LPIN2: variants seen among roughly 807,000 people sequenced by gnomAD.
LPIN2 encodes the protein phosphatidate phosphatase LPIN2.
In LPIN2, 55 loss-of-function variants were observed where a neutral mutation model predicts 111.4. That is an observed-to-expected ratio of 0.49 (90% CI 0.40 to 0.62). The LOEUF is 0.62. LPIN2 is among the 20% of genes least tolerant of loss of function. The pLI is 0.00. For synonymous variants in LPIN2, 425 were observed against 414.0 expected, an observed-to-expected ratio of 1.03 and a Z score of -0.32; for missense variants, 992 against 1,112.1, an observed-to-expected ratio of 0.89 and a Z score of 1.54.
At chr18:3,004,856 C>T (rs1360533841) in intron 1 of LPIN2, among the ~76,000 whole-genome samples, 1 of 152,162 alleles carries the variant, frequency 6.6e-6, no homozygotes, top group East Asian at 1.9e-4. Flanking sequence ...GGCCAAAGAA[C>T]ATCAGGTTTA....
At chr18:2,965,743 A>AC (rs2077791107) in intron 1 of LPIN2, among the ~76,000 whole-genome samples, 1 of 151,620 alleles carries the variant, frequency 6.6e-6, no homozygotes, top group Non-Finnish European at 1.5e-5. Flanking sequence ...AAAAAAAAAA[A>AC]AAAAAAGCAT....
chr18:2,984,175 T>C (rs1050135958), intron 1 of LPIN2, among the ~76,000 whole-genome samples: 2 of 152,156 alleles, frequency 1.3e-5, no homozygotes, highest in Non-Finnish European at 1.5e-5. Context: ...AATAAAAACA[T>C]TAAGTGGCAG....
Position 2,917,887 on chromosome 18 carries a change from C to T in LPIN2, c.*2406G>A, listed in dbSNP as rs942083044. 4 of 152,164 alleles carry T rather than the reference C, an allele frequency of 2.6e-5. No individual in the cohort carries two copies. The highest frequency in any genetic ancestry group is 4.4e-5 in the Non-Finnish European group (3 of 68,048). The allele number at this position is 152,164 out of a possible 1,614,324, so 9.4% of individuals were successfully genotyped here. On this transcript the variant is annotated 3_prime_UTR_variant, in exon 20 of 20. Coordinates refer to ENST00000677752, the MANE Select transcript of LPIN2 (RefSeq NM_001375808.2). ...CCTGCCATCTCCCTGAGCCGTCACC[C>T]GTCACTGAAGATAGCGCGAGGGTGA...
chr18:2,928,212 A>G (rs2077163904), intron 11 of LPIN2, among the ~76,000 whole-genome samples: 1 of 152,196 alleles, frequency 6.6e-6, no homozygotes, highest in Non-Finnish European at 1.5e-5. Context: ...TGCCCTAACC[A>G]CACTGATGTC....
chr18:2,934,532 G>T, intron 7 of LPIN2, 82 bp from the exon 8 acceptor site: 3 of 876,510 alleles, frequency 3.4e-6, no homozygotes, highest in Non-Finnish European at 3.8e-6. Context: ...TTTGCAAACA[G>T]TAAGAGTGAC....
At chr18:2,957,948 C>T (rs1275298828) in intron 2 of LPIN2, among the ~76,000 whole-genome samples, 4 of 151,308 alleles carry the variant, frequency 2.6e-5, no homozygotes, top group Admixed American at 6.6e-5. Flanking sequence ...ATCAGGTAAT[C>T]CTAGCCAACA....
chr18:2,990,271 C>T (rs894520989), intron 1 of LPIN2, among the ~76,000 whole-genome samples: 2 of 152,088 alleles, frequency 1.3e-5, no homozygotes, highest in Admixed American at 6.5e-5. Context: ...TCAGATATAA[C>T]ACCAAAAGCA....
chr18:2,928,061 G>T (rs1024284640), intron 11 of LPIN2, among the ~76,000 whole-genome samples: 3 of 152,216 alleles, frequency 2.0e-5, no homozygotes, highest in Admixed American at 6.5e-5. Flanking sequence ...GGGCTGACAG[G>T]TGGGCAAATC....
intron 1 of LPIN2, among the ~76,000 whole-genome samples, chr18:2,998,520 G>C (rs1006757612): frequency 3.9e-5 from 6 of 152,246 alleles, no homozygotes; most frequent in Non-Finnish European, 7.4e-5. Flanking sequence ...TTCTAATGTG[G>C]GGAGGGAGAA....
intron 1 of LPIN2, among the ~76,000 whole-genome samples, chr18:3,000,075 AGAG>A (rs2078410401): frequency 1.4e-5 from 2 of 145,698 alleles, no homozygotes; most frequent in Non-Finnish European, 3.0e-5. Context: ...AGGAGGAGGA[AGAG>A]GAGAAGGAGG....
At chr18:2,984,200 T>G (rs1156346428) in intron 1 of LPIN2, among the ~76,000 whole-genome samples, 1 of 152,150 alleles carries the variant, frequency 6.6e-6, no homozygotes, top group Non-Finnish European at 1.5e-5. Flanking sequence ...AAAAACCAAT[T>G]TCACCAAAAT....
chr18:2,949,623 T>C (rs2077504092), intron 4 of LPIN2, among the ~76,000 whole-genome samples: 1 of 152,144 alleles, frequency 6.6e-6, no homozygotes, highest in Non-Finnish European at 1.5e-5. Context: ...ATTTCATGTA[T>C]TAAAAATGGC....
chr18:2,944,817 G>A (rs2077425155), intron 4 of LPIN2, among the ~76,000 whole-genome samples: 1 of 152,022 alleles, frequency 6.6e-6, no homozygotes, highest in South Asian at 2.1e-4. Context: ...CAGGAAAGAG[G>A]TTTTTAAGAT....
chr18:2,992,524 T>C (rs982434969), intron 1 of LPIN2, among the ~76,000 whole-genome samples: 5 of 152,254 alleles, frequency 3.3e-5, no homozygotes, highest in African/African-American at 1.2e-4. Context: ...AATCATACAT[T>C]CAAAAATGGT....
chr18:2,921,353 G>A (rs1455376341), intron 18 of LPIN2, 180 bp downstream of exon 18: 3 of 652,342 alleles, frequency 4.6e-6, no homozygotes, highest in African/African-American at 1.8e-5. Context: ...ATCTGCACCT[G>A]CAGGACCTCC....
At position 2,923,779 on chromosome 18, in the gene LPIN2, T is replaced by C; in HGVS notation, c.2170A>G (p.Asn724Asp). 2 of 1,613,896 alleles carry C rather than the reference T, an allele frequency of 1.2e-6. No individual in the cohort carries two copies. The highest frequency in any genetic ancestry group is 1.7e-6 in the Non-Finnish European group (2 of 1,179,776). ...TAACGTGGGGAGGGTACCTACTCAT[T>C]GATGGAATGGTAGAGCTTTGCTATA... is the stretch of plus-strand genomic sequence containing the variant. ...QGIAKLYHSI[N>D]ENGYKFLYCS... Residue 724 changes from asparagine to aspartate, a missense_variant, in exon 16 of 20, where the codon AAT (asparagine) becomes GAT (aspartate). This residue lies in a region of LPIN2 where 31 missense variants were observed against 60.3 expected (regional missense o/e 0.51). Coordinates refer to ENST00000677752, the MANE Select transcript of LPIN2 (RefSeq NM_001375808.2).
rs1282304956 is a variant in LPIN2 at position 2,956,527 on chromosome 18, T to C, written c.193-1928A>G. Reference sequence around the variant, plus strand: ...AGCTGAGGCAGGGAAAGTAGCTTCTTCTGGAACACCTTCTGGTACCAGGAA... The same window carrying C: ...AGCTGAGGCAGGGAAAGTAGCTTCTCCTGGAACACCTTCTGGTACCAGGAA... On this transcript the variant is annotated intron_variant, in intron 2 of 19. Transcript: ENST00000677752. 3.3e-5 allele frequency among the ~76,000 whole-genome samples: 5 copies of C among 152,332 alleles called. No individual in the cohort carries two copies. In the Middle Eastern group the frequency reaches 0.01, roughly 311 times the overall value.
chr18:2,942,474 C>G (rs577029410), intron 4 of LPIN2, among the ~76,000 whole-genome samples: 3 of 152,284 alleles, frequency 2.0e-5, no homozygotes, highest in African/African-American at 7.2e-5. Context: ...AAATTTCTAA[C>G]CGGAATTTTT....
chr18:2,962,349 A>C (rs892368827), intron 1 of LPIN2, among the ~76,000 whole-genome samples: 3 of 152,220 alleles, frequency 2.0e-5, no homozygotes, highest in African/African-American at 7.2e-5. Context: ...CCTAAATAAC[A>C]AAATAAGATG....
Sources: allele counts gnomAD v4.1 joint callset (sites outside exome capture counted in the v4.1 genomes callset), GRCh38; gene constraint gnomAD v4.1.1; regional missense constraint gnomAD v4.1.1; transcripts MANE v1.5; gene names NCBI Gene and HGNC (gene_info 2026-07-23, HGNC 2026-07-21).